Variants in ZDHHC13 observed in about 807,000 individuals in gnomAD.
ZDHHC13 encodes zDHHC palmitoyltransferase 13.
A neutral mutation model predicts 86.0 loss-of-function variants in ZDHHC13; 85 were observed. The observed-to-expected ratio is 0.99, with a 90% CI of 0.83 to 1.18. The LOEUF (loss-of-function observed/expected upper bound fraction) is 1.18, where lower values mean the gene tolerates loss of function less well. ZDHHC13 is among the 50% of genes most tolerant of loss of function. The pLI is 0.00. For synonymous variants in ZDHHC13, 263 were observed against 246.4 expected (o/e 1.07, Z -0.63); for missense variants, 711 against 730.2 (o/e 0.97, Z 0.30).
intron 1 of ZDHHC13, among the ~76,000 whole-genome samples, chr11:19,133,920 C>CATATATATATATATATATATATATAT (rs1554961794): frequency 2.3e-4 from 19 of 83,400 alleles, no homozygotes; most frequent in South Asian, 4.8e-4. Flanking sequence ...GAAAGAAGTC[C>CATATATATATATATATATATATATAT]ATATATATAT....
At chr11:19,161,314 A>G (rs1849905028) in intron 10 of ZDHHC13, among the ~76,000 whole-genome samples, 1 of 151,976 alleles carries the variant, frequency 6.6e-6, no homozygotes, top group Non-Finnish European at 1.5e-5. Flanking sequence ...TAATTTCACC[A>G]AGCCTTAGTT....
chr11:19,130,728 C>T (rs1848978465), intron 1 of ZDHHC13, among the ~76,000 whole-genome samples: 1 of 152,250 alleles, frequency 6.6e-6, no homozygotes, highest in East Asian at 1.9e-4. Context: ...GCATACTAAG[C>T]TCTTTAAAAC....
rs1269545449 is a variant in ZDHHC13 at position 19,159,896 on chromosome 11, C to A, written c.1108+856C>A. On this transcript the variant is annotated intron_variant, in intron 10 of 16. Coordinates refer to ENST00000446113, the MANE Select transcript of ZDHHC13 (RefSeq NM_019028.3). ...ACCTCTTGCCAGACTCCCTTCTCCC[C>A]TTCCAAGGACCCTGGGAAGCCCTGA... is the stretch of plus-strand genomic sequence containing the variant. 2.6e-5 allele frequency among the ~76,000 whole-genome samples: 4 copies of A among 151,864 alleles called. No homozygotes were observed. In the East Asian group the frequency reaches 5.8e-4, roughly 22 times the overall value.
At chr11:19,117,131 A>C (rs1848660360), upstream of ZDHHC13, 1 of 1,111,008 alleles carries the variant, frequency 9.0e-7, no homozygotes, top group South Asian at 1.4e-5. This position sits in a 1 kb window ranked among gnomAD's most constrained non-coding sequence, Gnocchi z 4.2. Context: ...CGGGGACCGC[A>C]GCGGCGGAGG....
intron 9 of ZDHHC13, among the ~76,000 whole-genome samples, chr11:19,157,287 T>C (rs1849782560): frequency 6.6e-6 from 1 of 152,120 alleles, no homozygotes; most frequent in South Asian, 2.1e-4. Context: ...GAAAGAAAAA[T>C]GTAATGATGA....
chr11:19,120,576 A>G (rs1848740783), intron 1 of ZDHHC13, among the ~76,000 whole-genome samples: 1 of 152,196 alleles, frequency 6.6e-6, no homozygotes, highest in Admixed American at 6.5e-5. Flanking sequence ...ATAGACCTTT[A>G]CCTCTTGATG....
chr11:19,122,202 A>G (rs1231899272), intron 1 of ZDHHC13, among the ~76,000 whole-genome samples: 1 of 152,236 alleles, frequency 6.6e-6, no homozygotes, highest in African/African-American at 2.4e-5. Flanking sequence ...TCTAAATTAT[A>G]TTCATTAACT....
intron 10 of ZDHHC13, among the ~76,000 whole-genome samples, chr11:19,162,490 A>G (rs1006396507): frequency 6.6e-6 from 1 of 152,080 alleles, no homozygotes; most frequent in Non-Finnish European, 1.5e-5. Flanking sequence ...CGCAGTTAAG[A>G]CTTGGATACC....
intron 10 of ZDHHC13, 143 bp from the exon 11 acceptor site, chr11:19,163,160 C>G (rs563207694): frequency 1.3e-6 from 1 of 754,746 alleles, no homozygotes. Context: ...AGGATTAGAA[C>G]ATAGGATGGG....
chr11:19,126,205 A>G (rs1848871405), intron 1 of ZDHHC13, among the ~76,000 whole-genome samples: 2 of 152,056 alleles, frequency 1.3e-5, no homozygotes, highest in Non-Finnish European at 1.5e-5. Flanking sequence ...GGTTTGTTGT[A>G]TAGATTATTT....
At chr11:19,138,539 G>A (rs1262393301) in intron 1 of ZDHHC13, among the ~76,000 whole-genome samples, 37 of 152,130 alleles carry the variant, frequency 2.4e-4, no homozygotes, top group Admixed American at 7.2e-4. Context: ...TAGAAAAAGA[G>A]GGAATCCTCC....
At chr11:19,172,644 C>A in intron 15 of ZDHHC13, 79 bp from the exon 16 acceptor site, 1 of 1,154,486 alleles carries the variant, frequency 8.7e-7, no homozygotes. Context: ...GATAATTGCA[C>A]TGATACTGAT....
At chr11:19,158,895 A>G (rs1381735576) in intron 9 of ZDHHC13, 45 bp from the exon 10 acceptor site, 3 of 1,293,730 alleles carry the variant, frequency 2.3e-6, no homozygotes, top group Non-Finnish European at 1.1e-6. Context: ...AACTAAAATT[A>G]ATACAAGTCA....
intron 15 of ZDHHC13, 117 bp downstream of exon 15, chr11:19,170,685 T>A: frequency 9.8e-7 from 1 of 1,022,378 alleles, no homozygotes; most frequent in Non-Finnish European, 1.4e-6. Context: ...TCACTGACTC[T>A]GTGGGTCTAG....
At chr11:19,118,146 T>A (rs1209947382) in intron 1 of ZDHHC13, among the ~76,000 whole-genome samples, 1 of 152,190 alleles carries the variant, frequency 6.6e-6, no homozygotes, top group East Asian at 1.9e-4. Context: ...AATTGAAGCA[T>A]CCTTAAGAAG....
intron 8 of ZDHHC13, among the ~76,000 whole-genome samples, chr11:19,153,452 C>G (rs1184231993): frequency 6.6e-6 from 1 of 152,068 alleles, no homozygotes; most frequent in Non-Finnish European, 1.5e-5. Flanking sequence ...CAGAGTGATT[C>G]TAAATTAACA....
At chr11:19,173,355 G>A (rs1850275909) in intron 16 of ZDHHC13, among the ~76,000 whole-genome samples, 2 of 152,162 alleles carry the variant, frequency 1.3e-5, no homozygotes, top group African/African-American at 4.8e-5. Flanking sequence ...CACGTTTTCA[G>A]TTGAAAATGA....
At chr11:19,120,193 C>T (rs1265997612) in intron 1 of ZDHHC13, among the ~76,000 whole-genome samples, 5 of 152,200 alleles carry the variant, frequency 3.3e-5, no homozygotes, top group Non-Finnish European at 5.9e-5. Flanking sequence ...TAAAACATGG[C>T]TTTGTCATGC....
chr11:19,146,226 T>C lies in ZDHHC13; in HGVS notation c.219T>C (p.Tyr73=). The stretch of plus-strand genomic sequence containing the variant: ...GTAAAGAGTTGGTAGAAGCAGGATA[T>C]GATGTCAGGCAACCAGATAAAGAAA... ...ERCKELVEAG[Y]DVRQPDKENV... The change falls in exon 3 of 17, where the codon TAT becomes TAC. Residue 73 remains tyrosine, a synonymous_variant. Coordinates refer to ENST00000446113, the MANE Select transcript of ZDHHC13 (RefSeq NM_019028.3). The C allele has an allele frequency of 1.2e-6, 2 of 1,612,030 alleles. No homozygotes were observed. Among genetic ancestry groups the C allele is most frequent in the Non-Finnish European group, 1.7e-6 (2 of 1,178,880 alleles).
Sources: allele counts gnomAD v4.1 joint callset (sites outside exome capture counted in the v4.1 genomes callset), GRCh38; gene constraint gnomAD v4.1.1; non-coding constraint Gnocchi (gnomAD v3.1); transcripts MANE v1.5; gene names NCBI Gene and HGNC (gene_info 2026-07-23, HGNC 2026-07-21).